The following ASTN2 variants were observed in gnomAD, a reference collection of about 807,000 sequenced individuals.
ASTN2 encodes the protein astrotactin 2.
A neutral mutation model predicts 139.8 loss-of-function variants in ASTN2; 54 were observed. The ratio of observed to expected loss-of-function variants is 0.39; its 90% CI spans 0.31 to 0.48. ASTN2 has a LOEUF of 0.48. Among genes scored for constraint, ASTN2 ranks in the 20% least tolerant of loss-of-function variants. The probability of loss-of-function intolerance (pLI) is 0.95; values close to 1 mark genes in which losing one functional copy is unlikely to be tolerated. For missense variants in ASTN2, 1,565 were observed against 1,725.1 expected, an observed-to-expected ratio of 0.91 and a Z score of 1.64; for synonymous variants, 756 against 719.5, an observed-to-expected ratio of 1.05 and a Z score of -0.81.
intron 19 of ASTN2, among the ~76,000 whole-genome samples, chr9:116,537,751 G>A (rs1423620377): frequency 1.3e-5 from 2 of 152,162 alleles, no homozygotes; most frequent in African/African-American, 2.4e-5. Context: ...TGCCCTGTGG[G>A]AACAGGATAC....
chr9:116,449,002 A>C (rs1159469162), intron 20 of ASTN2, among the ~76,000 whole-genome samples: 1 of 152,158 alleles, frequency 6.6e-6, no homozygotes. Context: ...AGAGGTTAGA[A>C]TAGACACTGG....
At chr9:117,170,391 A>G (rs1185488113) in intron 3 of ASTN2, among the ~76,000 whole-genome samples, 1 of 152,096 alleles carries the variant, frequency 6.6e-6, no homozygotes, top group African/African-American at 2.4e-5. Flanking sequence ...ATTAATATTG[A>G]TTGAGCACCT....
chr9:117,264,520 C>A (rs1833898095), intron 2 of ASTN2, among the ~76,000 whole-genome samples: 1 of 152,284 alleles, frequency 6.6e-6, no homozygotes, highest in East Asian at 1.9e-4. Flanking sequence ...ATGTACTAAG[C>A]TACCGAATAT....
chr9:116,677,292 G>A (rs1859566600), intron 16 of ASTN2, among the ~76,000 whole-genome samples: 1 of 151,982 alleles, frequency 6.6e-6, no homozygotes, highest in African/African-American at 2.4e-5. Context: ...AGACAGAGGA[G>A]GCACCATAGA....
chr9:116,784,493 C>A (rs978207543), intron 13 of ASTN2, among the ~76,000 whole-genome samples: 1 of 152,172 alleles, frequency 6.6e-6, no homozygotes, highest in Non-Finnish European at 1.5e-5. Flanking sequence ...CCATCACACA[C>A]GCAATGTCCT....
At position 116,902,496 on chromosome 9, in the gene ASTN2, C is replaced by T. The variant is rs76197083; in HGVS notation, c.1890-38763G>A. Among the ~76,000 whole-genome samples, 62 of 152,148 alleles carry T rather than the reference C, an allele frequency of 4.1e-4. 1 individual carries two copies. In the East Asian group the frequency reaches 0.011, roughly 26 times the overall value. The stretch of plus-strand genomic sequence containing the variant: ...TTTTCTATGCTTAGATACACAAATA[C>T]CATTGTGTTACAATTGCCTACAGTA... On this transcript the variant is annotated intron_variant, in intron 10 of 22. Transcript: ENST00000313400.
intron 1 of ASTN2, among the ~76,000 whole-genome samples, chr9:117,341,409 C>A (rs1478339148): frequency 6.6e-6 from 1 of 151,992 alleles, no homozygotes; most frequent in Non-Finnish European, 1.5e-5. Context: ...AAGCTAGGGG[C>A]AGAAACTTTC....
chr9:116,680,286 A>T (rs1859768712), intron 16 of ASTN2, among the ~76,000 whole-genome samples: 1 of 152,212 alleles, frequency 6.6e-6, no homozygotes, highest in Non-Finnish European at 1.5e-5. Context: ...GAAATGGATA[A>T]ATTCCTGGAC....
At chr9:117,201,021 G>A (rs1831697757) in intron 3 of ASTN2, among the ~76,000 whole-genome samples, 1 of 126,932 alleles carries the variant, frequency 7.9e-6, no homozygotes. Context: ...TTTTTGGTTG[G>A]TTGGTTATTA....
chr9:116,934,966 G>A (rs17395976), intron 10 of ASTN2, among the ~76,000 whole-genome samples: 12,147 of 152,214 alleles, frequency 0.08, 661 homozygotes, highest in Non-Finnish European at 0.12. Flanking sequence ...CGTTCTAGAT[G>A]TGCAAACTCA....
chr9:116,493,572 T>G (rs543326225), intron 19 of ASTN2, among the ~76,000 whole-genome samples: 2 of 152,184 alleles, frequency 1.3e-5, no homozygotes, highest in African/African-American at 4.8e-5. Context: ...CATGGATCAA[T>G]TTTTCTAGAG....
chr9:117,009,253 T>C (rs1837444447), intron 6 of ASTN2, among the ~76,000 whole-genome samples: 2 of 152,326 alleles, frequency 1.3e-5, no homozygotes, highest in Admixed American at 6.5e-5. Flanking sequence ...AATACTTGCG[T>C]AGGCCAATAT....
chr9:116,754,606 G>A (rs1208726748), intron 13 of ASTN2, among the ~76,000 whole-genome samples: 1 of 152,134 alleles, frequency 6.6e-6, no homozygotes, highest in Non-Finnish European at 1.5e-5. Flanking sequence ...GTATTACACT[G>A]GCAGAGTTGA....
intron 2 of ASTN2, among the ~76,000 whole-genome samples, chr9:117,247,985 T>C (rs2133085570): frequency 6.6e-6 from 1 of 152,340 alleles, no homozygotes; most frequent in South Asian, 2.1e-4. Flanking sequence ...GTGATCTTTT[T>C]ATTCTTAGCC....
intron 19 of ASTN2, among the ~76,000 whole-genome samples, chr9:116,558,134 T>A (rs1328662015): frequency 6.6e-6 from 1 of 152,196 alleles, no homozygotes; most frequent in African/African-American, 2.4e-5. Flanking sequence ...CACACAGTAC[T>A]CTCAGACTAA....
At chr9:117,225,535 G>GTA (rs58184768) in intron 2 of ASTN2, among the ~76,000 whole-genome samples, 11 of 63,956 alleles carry the variant, frequency 1.7e-4, no homozygotes, top group African/African-American at 3.9e-4. Context: ...CAAGCTGTAT[G>GTA]TATATATATA....
At chr9:117,066,506 T>C (rs1346397654) in intron 5 of ASTN2, among the ~76,000 whole-genome samples, 1 of 149,790 alleles carries the variant, frequency 6.7e-6, no homozygotes, top group African/African-American at 2.5e-5. Flanking sequence ...TATACTAGCA[T>C]GACTTATAGT....
At chr9:116,499,330 G>C (rs1357963638) in intron 19 of ASTN2, among the ~76,000 whole-genome samples, 1 of 152,132 alleles carries the variant, frequency 6.6e-6, no homozygotes, top group East Asian at 1.9e-4. Flanking sequence ...TCAAGGCAGG[G>C]ATGATGCCGG....
intron 11 of ASTN2, among the ~76,000 whole-genome samples, chr9:116,836,335 G>A (rs1831989994): frequency 1.3e-5 from 2 of 152,070 alleles, no homozygotes; most frequent in South Asian, 2.1e-4. Flanking sequence ...AGGGGTGGAA[G>A]GCCATGCTCT....
Sources: gnomAD v4.1 joint callset for allele counts (sites outside exome capture counted in the v4.1 genomes callset) on GRCh38, gnomAD v4.1.1 for gene constraint, MANE v1.5 for transcripts, NCBI Gene and HGNC (gene_info 2026-07-23, HGNC 2026-07-21) for gene names.